The following ARHGEF38 variants were observed in gnomAD, a reference collection of about 807,000 sequenced individuals.
ARHGEF38 encodes Rho guanine nucleotide exchange factor 38.
A neutral mutation model predicts 79.9 loss-of-function variants in ARHGEF38; 79 were observed. That is an observed-to-expected ratio of 0.99 (90% CI 0.82 to 1.19). The LOEUF is 1.19. Among genes scored for constraint, ARHGEF38 ranks in the 50% most tolerant of loss-of-function variants. The pLI, the probability that ARHGEF38 is intolerant of heterozygous loss-of-function variation, is 0.00. For synonymous variants in ARHGEF38, 366 were observed against 328.3 expected (o/e 1.11, Z -1.24); for missense variants, 962 against 907.2 (o/e 1.06, Z -0.78).
intron 1 of ARHGEF38, among the ~76,000 whole-genome samples, chr4:105,562,288 T>C (rs1272921022): frequency 6.6e-6 from 1 of 152,196 alleles, no homozygotes; most frequent in Non-Finnish European, 1.5e-5. Flanking sequence ...TTGCTGTCAT[T>C]TGAATATAAT....
Position 105,613,365 on chromosome 4 carries a change from A to T in ARHGEF38, c.385-19A>T. 1 of 1,609,024 alleles carries T rather than the reference A, an allele frequency of 6.2e-7. No individual in the cohort carries two copies. The highest frequency in any genetic ancestry group is 1.1e-5 in the South Asian group (1 of 89,880). On this transcript the variant is annotated intron_variant, in intron 2 of 13. Transcript: ENST00000420470. ...AATACAGTGCTTCTCCATCAGCTCAATGTTTTTTGTTTCTTCAGACTGATA... is the reference window on the plus strand; with the variant it reads ...AATACAGTGCTTCTCCATCAGCTCATTGTTTTTTGTTTCTTCAGACTGATA...
At chr4:105,595,972 A>G (rs1727560065) in intron 2 of ARHGEF38, among the ~76,000 whole-genome samples, 1 of 152,212 alleles carries the variant, frequency 6.6e-6, no homozygotes, top group Non-Finnish European at 1.5e-5. Flanking sequence ...ATATATTTAC[A>G]CATTTTATTT....
downstream of ARHGEF38, among the ~76,000 whole-genome samples, chr4:105,681,178 TATTGAGATCATA>T (rs897245826): frequency 2.6e-4 from 40 of 152,240 alleles, no homozygotes; most frequent in African/African-American, 9.6e-4. Context: ...ATTTACTGCC[TATTGAGATCATA>T]ATTGAGATAA....
intron 13 of ARHGEF38, among the ~76,000 whole-genome samples, chr4:105,677,024 C>A (rs1324155553): frequency 6.6e-6 from 1 of 151,414 alleles, no homozygotes; most frequent in Non-Finnish European, 1.5e-5. Flanking sequence ...AGTGCAGTGG[C>A]GCGATCTCGG....
Position 105,631,777 on chromosome 4 carries a change from T to G in ARHGEF38, c.656+732T>G, listed in dbSNP as rs577299783. ...TTGGATTGATTCTTTTAAATGGAATTGGTATCTTTCTGAATATGCAGTTTC... is the reference window on the plus strand; with the variant it reads ...TTGGATTGATTCTTTTAAATGGAATGGGTATCTTTCTGAATATGCAGTTTC... On this transcript the variant is annotated intron_variant, in intron 4 of 13. Coordinates refer to ENST00000420470, the MANE Select transcript of ARHGEF38 (RefSeq NM_001242729.2). 1.9e-4 allele frequency: 139 copies of G among 739,420 alleles called. 1 individual carries two copies. Among genetic ancestry groups the G allele is most frequent in the Non-Finnish European group, 2.2e-4 (134 of 605,896 alleles). 45.8% of individuals were successfully genotyped at this position (739,420 alleles called of 1,614,324 possible). A position where few individuals can be genotyped will look rare whatever the true frequency, so the allele number is the denominator to read the frequency against.
At chr4:105,629,416 C>T (rs778356447) in intron 3 of ARHGEF38, among the ~76,000 whole-genome samples, 66 of 152,086 alleles carry the variant, frequency 4.3e-4, no homozygotes, top group Non-Finnish European at 7.6e-4. Flanking sequence ...TCTCTTCATG[C>T]AAGTAGGAAG....
intron 2 of ARHGEF38, among the ~76,000 whole-genome samples, chr4:105,606,582 T>C (rs1249136142): frequency 6.6e-6 from 1 of 152,132 alleles, no homozygotes; most frequent in East Asian, 1.9e-4. Context: ...TAATCATGAG[T>C]GTGAATAAGA....
Position 105,678,053 on chromosome 4 carries a change from T to C in ARHGEF38, c.*116T>C. ...GAAACCTCTGAACTACAGAAACTGA[T>C]ACTGTACTGGGTTTTCAGGAATACT... On this transcript the variant is annotated 3_prime_UTR_variant, in exon 14 of 14. Coordinates refer to ENST00000420470, the MANE Select transcript of ARHGEF38 (RefSeq NM_001242729.2). The C allele has an allele frequency of 1.2e-6, 1 of 831,140 alleles. No homozygotes were observed. The highest frequency in any genetic ancestry group is 1.8e-6 in the Non-Finnish European group (1 of 562,084). 51.5% of individuals were successfully genotyped at this position (831,140 alleles called of 1,614,324 possible).
At chr4:105,666,490 T>A (rs72969235) in intron 11 of ARHGEF38, among the ~76,000 whole-genome samples, 170 bp downstream of exon 11, 202 of 152,322 alleles carry the variant, frequency 1.3e-3, no homozygotes, top group African/African-American at 4.6e-3. Flanking sequence ...CTCCATAAGA[T>A]CATGGATTTT....
chr4:105,559,310 C>A (rs1219982603), intron 1 of ARHGEF38, among the ~76,000 whole-genome samples: 1 of 152,112 alleles, frequency 6.6e-6, no homozygotes, highest in Non-Finnish European at 1.5e-5. Flanking sequence ...CCAACATTTG[C>A]TTGGACCGCT....
At chr4:105,580,436 A>G (rs1280722250) in intron 1 of ARHGEF38, among the ~76,000 whole-genome samples, 1 of 152,212 alleles carries the variant, frequency 6.6e-6, no homozygotes, top group African/African-American at 2.4e-5. Context: ...ATAGGTTTCA[A>G]CAAACTTCTT....
At chr4:105,670,704 A>G (rs1443103901) in intron 13 of ARHGEF38, among the ~76,000 whole-genome samples, 3 of 152,222 alleles carry the variant, frequency 2.0e-5, no homozygotes, top group African/African-American at 7.2e-5. Flanking sequence ...AGTTTCTAAA[A>G]AACATATTAT....
At chr4:105,649,009 C>A (rs1033414629) in intron 7 of ARHGEF38, among the ~76,000 whole-genome samples, 2 of 152,110 alleles carry the variant, frequency 1.3e-5, no homozygotes, top group African/African-American at 4.8e-5. Context: ...CATCAACTAG[C>A]ACATATTCTC....
intron 2 of ARHGEF38, among the ~76,000 whole-genome samples, chr4:105,592,398 C>T (rs1450937492): frequency 6.6e-6 from 1 of 152,070 alleles, no homozygotes; most frequent in African/African-American, 2.4e-5. Context: ...CCCACTGGTA[C>T]GATTTCTGAC....
intron 2 of ARHGEF38, among the ~76,000 whole-genome samples, chr4:105,589,992 C>T (rs539094579): frequency 9.4e-5 from 14 of 148,886 alleles, no homozygotes; most frequent in Non-Finnish European, 1.3e-4. Context: ...TGAGCCAAAT[C>T]GCGCCATTGC....
intron 2 of ARHGEF38, among the ~76,000 whole-genome samples, chr4:105,610,745 GA>G (rs1249453572): frequency 6.6e-6 from 1 of 152,004 alleles, no homozygotes; most frequent in Non-Finnish European, 1.5e-5. Flanking sequence ...GGAAGAAGTG[GA>G]ATTAAAATCT....
intron 1 of ARHGEF38, among the ~76,000 whole-genome samples, chr4:105,581,834 A>G: frequency 6.6e-6 from 1 of 152,108 alleles, no homozygotes; most frequent in East Asian, 1.9e-4. Flanking sequence ...GACTCATGGT[A>G]TCGTGTTTCC....
In ARHGEF38 at chr4:105,647,444, T is replaced by C. The variant is rs116522352; in HGVS notation, c.875-1105T>C. Among the ~76,000 whole-genome samples, 907 of 152,300 alleles carry C rather than the reference T, an allele frequency of 6.0e-3. 8 individuals are homozygous for C. Among genetic ancestry groups the C allele is most frequent in the African/African-American group, 0.021 (867 of 41,548 alleles). ...TTCCATAGCATTTTATTTATGAGTA[T>C]ATCATTATTTATTAAACTATTTCTC... On this transcript the variant is annotated intron_variant, in intron 6 of 13. Transcript: ENST00000420470.
At chr4:105,571,303 T>C (rs1726215351) in intron 1 of ARHGEF38, among the ~76,000 whole-genome samples, 1 of 145,628 alleles carries the variant, frequency 6.9e-6, no homozygotes, top group South Asian at 2.2e-4. Context: ...TCATACCTCA[T>C]CCTTTTTTTT....
Sources: gnomAD v4.1 joint callset for allele counts (sites outside exome capture counted in the v4.1 genomes callset) on GRCh38, gnomAD v4.1.1 for gene constraint, MANE v1.5 for transcripts, NCBI Gene and HGNC (gene_info 2026-07-23, HGNC 2026-07-21) for gene names.